VTI1A: variants seen among roughly 807,000 people sequenced by gnomAD.
VTI1A encodes the protein vesicle transport through interaction with t-SNAREs 1A.
Under a neutral mutation model 34.9 loss-of-function variants are expected in VTI1A, and 22 were observed. That is an observed-to-expected ratio of 0.63 (90% CI 0.45 to 0.90). The LOEUF is 0.90. Ranked by LOEUF, VTI1A falls within the 40% of genes least tolerant of loss-of-function variation. VTI1A has a pLI of 0.00. For missense variants in VTI1A, 268 were observed against 275.6 expected (o/e 0.97, Z 0.20); for synonymous variants, 87 against 97.3 (o/e 0.89, Z 0.62).
At chr10:112,668,552 T>C (rs535113527) in intron 6 of VTI1A, among the ~76,000 whole-genome samples, 3 of 152,292 alleles carry the variant, frequency 2.0e-5, no homozygotes, top group South Asian at 2.1e-4. Context: ...TGGAGTATGT[T>C]CATCTTTTAG....
intron 3 of VTI1A, among the ~76,000 whole-genome samples, chr10:112,471,157 G>A (rs1328995225): frequency 6.6e-6 from 1 of 152,032 alleles, no homozygotes; most frequent in African/African-American, 2.4e-5. Flanking sequence ...GCATATTTTG[G>A]TTTTCTTCAT....
intron 3 of VTI1A, among the ~76,000 whole-genome samples, chr10:112,517,572 T>G (rs948439974): frequency 6.6e-6 from 1 of 152,044 alleles, no homozygotes; most frequent in Non-Finnish European, 1.5e-5. Flanking sequence ...GTGAATAAAC[T>G]TGATAAACAC....
intron 7 of VTI1A, among the ~76,000 whole-genome samples, chr10:112,727,194 TG>T (rs1211550163): frequency 2.6e-5 from 4 of 152,182 alleles, no homozygotes; most frequent in Non-Finnish European, 5.9e-5. Context: ...AAGCACAAAC[TG>T]GTCCTTCATT....
chr10:112,778,365 AC>A (rs1230527980), intron 7 of VTI1A, among the ~76,000 whole-genome samples: 13 of 152,130 alleles, frequency 8.5e-5, no homozygotes, highest in Admixed American at 7.9e-4. Flanking sequence ...CACCATTGTT[AC>A]CCCACTTGTC....
intron 5 of VTI1A, among the ~76,000 whole-genome samples, chr10:112,581,213 G>A (rs1319168003): frequency 1.3e-5 from 2 of 152,196 alleles, no homozygotes; most frequent in Admixed American, 1.3e-4. Flanking sequence ...ATTGCAGTGG[G>A]CTGGCTGCAT....
At chr10:112,580,184 G>C (rs920459042) in intron 5 of VTI1A, among the ~76,000 whole-genome samples, 1 of 152,172 alleles carries the variant, frequency 6.6e-6, no homozygotes, top group African/African-American at 2.4e-5. Context: ...CAAAGGGATG[G>C]AATCAACAGC....
At chr10:112,787,790 C>T (rs1852337617) in intron 7 of VTI1A, among the ~76,000 whole-genome samples, 1 of 148,300 alleles carries the variant, frequency 6.7e-6, no homozygotes, top group Admixed American at 6.8e-5. Context: ...CAACCTCCAC[C>T]TCCTGTGTTC....
chr10:112,545,358 G>A (rs1415077929), intron 5 of VTI1A, among the ~76,000 whole-genome samples: 1 of 152,170 alleles, frequency 6.6e-6, no homozygotes, highest in Non-Finnish European at 1.5e-5. Flanking sequence ...ATAAATCTGG[G>A]CTGAAAGCCA....
intron 7 of VTI1A, among the ~76,000 whole-genome samples, chr10:112,687,974 G>C (rs964072735): frequency 8.9e-6 from 1 of 112,250 alleles, no homozygotes; most frequent in Non-Finnish European, 1.7e-5. Context: ...TTTTTTTTAA[G>C]ACTGGGTCTT....
intron 7 of VTI1A, among the ~76,000 whole-genome samples, chr10:112,791,894 T>C (rs1489942520): frequency 6.6e-6 from 1 of 152,076 alleles, no homozygotes; most frequent in Non-Finnish European, 1.5e-5. Context: ...AAATATGTTG[T>C]GTTGCATAGC....
chr10:112,721,270 C>T (rs1849797852), intron 7 of VTI1A, among the ~76,000 whole-genome samples: 1 of 152,122 alleles, frequency 6.6e-6, no homozygotes, highest in African/African-American at 2.4e-5. Context: ...AACAAATAAC[C>T]GATAGGTGGC....
intron 7 of VTI1A, among the ~76,000 whole-genome samples, chr10:112,805,396 T>G (rs1462187216): frequency 6.6e-6 from 1 of 152,232 alleles, no homozygotes; most frequent in Non-Finnish European, 1.5e-5. Context: ...CCATGCTTAT[T>G]CGTTGACATA....
chr10:112,526,061 G>C (rs1307925487), intron 3 of VTI1A, among the ~76,000 whole-genome samples: 1 of 152,184 alleles, frequency 6.6e-6, no homozygotes, highest in Admixed American at 6.6e-5. Flanking sequence ...TTTTAATGGA[G>C]TAGTTTTCTT....
intron 7 of VTI1A, among the ~76,000 whole-genome samples, chr10:112,798,489 C>T (rs577683351): frequency 6.6e-5 from 10 of 152,200 alleles, no homozygotes; most frequent in South Asian, 6.2e-4. Flanking sequence ...AGTGAAAGGT[C>T]GCTGTCTCTT....
chr10:112,630,180 A>C (rs149049410), intron 5 of VTI1A, among the ~76,000 whole-genome samples: 143 of 152,324 alleles, frequency 9.4e-4, no homozygotes, highest in African/African-American at 3.3e-3. Context: ...TTGTAAACAC[A>C]TGCATATGCA....
intron 5 of VTI1A, among the ~76,000 whole-genome samples, chr10:112,617,626 C>T (rs1216498137): frequency 1.3e-5 from 2 of 152,032 alleles, no homozygotes; most frequent in Non-Finnish European, 2.9e-5. Flanking sequence ...TTCAAGTATT[C>T]TAAGGGCCTT....
chr10:112,738,207 C>T (rs1014352126), intron 7 of VTI1A, among the ~76,000 whole-genome samples: 3 of 152,148 alleles, frequency 2.0e-5, no homozygotes, highest in African/African-American at 7.2e-5. Flanking sequence ...CCATCCCTGG[C>T]GAGCACCCCT....
intron 3 of VTI1A, among the ~76,000 whole-genome samples, chr10:112,499,664 C>G (rs1260136691): frequency 6.6e-6 from 1 of 152,166 alleles, no homozygotes; most frequent in Non-Finnish European, 1.5e-5. Flanking sequence ...GTTCTTCTTC[C>G]TGCATTTCTT....
downstream of VTI1A, among the ~76,000 whole-genome samples, chr10:112,822,316 G>A (rs1343489867): frequency 6.6e-6 from 1 of 152,202 alleles, no homozygotes; most frequent in Non-Finnish European, 1.5e-5. Context: ...AAACATGGGA[G>A]CCTGAGAATG....
Sources: allele counts gnomAD v4.1 joint callset (sites outside exome capture counted in the v4.1 genomes callset), GRCh38; gene constraint gnomAD v4.1.1; transcripts MANE v1.5; gene names NCBI Gene and HGNC (gene_info 2026-07-23, HGNC 2026-07-21).